The following LTBP1 variants were observed in gnomAD, a reference collection of about 807,000 sequenced individuals.
The protein encoded by LTBP1 is latent transforming growth factor beta binding protein 1.
Under a neutral mutation model 207.6 loss-of-function variants are expected in LTBP1, and 129 were observed. That is an observed-to-expected ratio of 0.62 (90% CI 0.54 to 0.72). The LOEUF is 0.72. Among genes scored for constraint, LTBP1 ranks in the 30% least tolerant of loss-of-function variants. The probability of loss-of-function intolerance (pLI) is 0.00; values close to 1 mark genes in which losing one functional copy is unlikely to be tolerated. For synonymous variants in LTBP1, 963 were observed against 833.7 expected, an observed-to-expected ratio of 1.16 and a Z score of -2.67; for missense variants, 2,281 against 2,217.2, an observed-to-expected ratio of 1.03 and a Z score of -0.58.
intron 9 of LTBP1, among the ~76,000 whole-genome samples, chr2:33,224,250 G>A (rs2091303274): frequency 6.6e-6 from 1 of 152,200 alleles, no homozygotes; most frequent in Admixed American, 6.5e-5. Context: ...CTATTCCACA[G>A]AAAAGGCTTT....
intron 24 of LTBP1, among the ~76,000 whole-genome samples, chr2:33,316,139 A>G (rs1309513031): frequency 4.9e-5 from 5 of 102,378 alleles, no homozygotes; most frequent in Non-Finnish European, 1.2e-4. Flanking sequence ...TATGTTTGCA[A>G]GAATACAGCA....
At position 33,188,816 on chromosome 2, in the gene LTBP1, C is replaced by G. The variant is rs1222399727; in HGVS notation, c.1666C>G (p.Leu556Val). 6.2e-7 allele frequency: 1 copy of G among 1,614,156 alleles called. No individual in the cohort carries two copies. Among genetic ancestry groups the G allele is most frequent in the East Asian group, 2.2e-5 (1 of 44,878 alleles). Reference sequence around the variant, plus strand: ...CTACCCCGTGGCTGCTAAGACACAGCTTGGCCGGTGCTTCCAGGAAACCAT... The same window carrying G: ...CTACCCCGTGGCTGCTAAGACACAGGTTGGCCGGTGCTTCCAGGAAACCAT... ...HVYPVAAKTQ[L>V]GRCFQETIGS... is the part of the protein sequence containing the mutation. Residue 556 changes from leucine to valine, a missense_variant, in exon 7 of 34, where the codon CTT becomes GTT. By Grantham distance (32) the Leu-to-Val change is conservative. Transcript: ENST00000404816.
chr2:33,103,623 GTGTGAGTGTT>G (rs1187544234), intron 3 of LTBP1, among the ~76,000 whole-genome samples: 8 of 140,520 alleles, frequency 5.7e-5, no homozygotes, highest in Non-Finnish European at 1.3e-4. Context: ...GTGTGTGTGT[GTGTGAGTGTT>G]ATGCTGCCAT....
At position 33,056,447 on chromosome 2, in the gene LTBP1, C is replaced by T. The variant is rs996894938; in HGVS notation, c.863+35241C>T. ...CTTTGCCCAGCAGCTTGTTTAGTTC[C>T]CTGTTGTTGCAAATTGCCAGCTGGA... On this transcript the variant is annotated intron_variant, in intron 3 of 33. Coordinates refer to ENST00000404816, the MANE Select transcript of LTBP1 (RefSeq NM_206943.4). 1.8e-5 allele frequency: 17 copies of T among 953,196 alleles called. No individual in the cohort carries two copies. In the African/African-American group the frequency reaches 2.8e-4, roughly 16 times the overall value. 59.0% of individuals were successfully genotyped at this position (953,196 alleles called of 1,614,324 possible).
At chr2:33,334,022 G>A (rs2094526404) in intron 24 of LTBP1, among the ~76,000 whole-genome samples, 1 of 152,204 alleles carries the variant, frequency 6.6e-6, no homozygotes, top group Non-Finnish European at 1.5e-5. Context: ...GGAGAGAGTG[G>A]TCAACCGCAT....
At chr2:33,130,984 T>G (rs1372723891) in intron 4 of LTBP1, among the ~76,000 whole-genome samples, 2 of 152,200 alleles carry the variant, frequency 1.3e-5, no homozygotes, top group Non-Finnish European at 2.9e-5. Flanking sequence ...CTTCTCAGAC[T>G]TATAATTCCT....
At position 33,048,878 on chromosome 2, in the gene LTBP1, C is replaced by A. The variant is rs74923869; in HGVS notation, c.863+27672C>A. Among the ~76,000 whole-genome samples, 885 of 152,270 alleles carry A rather than the reference C, an allele frequency of 5.8e-3. 12 individuals are homozygous for A. Among genetic ancestry groups the A allele is most frequent in the African/African-American group, 0.02 (845 of 41,570 alleles). On this transcript the variant is annotated intron_variant, in intron 3 of 33. Transcript: ENST00000404816. The stretch of plus-strand genomic sequence containing the variant: ...CTAATGAGCAGATATCTTAAAGGAA[C>A]TGTTGAATGTGAGTTAAGAATGTTT...
At chr2:33,217,023 T>C (rs1353482341) in intron 7 of LTBP1, among the ~76,000 whole-genome samples, 2 of 152,198 alleles carry the variant, frequency 1.3e-5, no homozygotes, top group Non-Finnish European at 2.9e-5. Context: ...CTGCTAGAGC[T>C]GATTTGGCCC....
chr2:33,369,177 A>G (rs1043603453), intron 31 of LTBP1, among the ~76,000 whole-genome samples: 16 of 152,146 alleles, frequency 1.1e-4, no homozygotes, highest in African/African-American at 2.9e-4. Context: ...TCAGGGGAAA[A>G]AAGATAACAC....
chr2:33,383,552 TTC>T (rs1363353934), intron 31 of LTBP1, among the ~76,000 whole-genome samples: 2 of 152,194 alleles, frequency 1.3e-5, no homozygotes, highest in African/African-American at 4.8e-5. Context: ...CTGCTTCTTT[TTC>T]TCTTTTTTTT....
intron 2 of LTBP1, among the ~76,000 whole-genome samples, chr2:32,980,199 A>G (rs1456710667): frequency 6.6e-6 from 1 of 152,076 alleles, no homozygotes; most frequent in East Asian, 1.9e-4. Flanking sequence ...TACTCTTACA[A>G]TTTTGTTATT....
intron 23 of LTBP1, among the ~76,000 whole-genome samples, chr2:33,313,342 T>G (rs1014141162): frequency 2.6e-5 from 4 of 152,166 alleles, no homozygotes; most frequent in African/African-American, 7.2e-5. Context: ...AGGAAGACGT[T>G]TAAACCAATA....
Position 33,074,869 on chromosome 2 carries a change from C to CA in LTBP1, c.864-35686dup, listed in dbSNP as rs36211816. On this transcript the variant is annotated intron_variant, in intron 3 of 33. Coordinates refer to ENST00000404816, the MANE Select transcript of LTBP1 (RefSeq NM_206943.4). ...TGGGCAACAGAGCGAGACTCCATCTCAAAAAAAAAAAAAAAAAAAAAAAAA... is the reference window on the plus strand; with the variant it reads ...TGGGCAACAGAGCGAGACTCCATCTCAAAAAAAAAAAAAAAAAAAAAAAAAA... Among the ~76,000 whole-genome samples, 309 of 131,890 alleles carry CA rather than the reference C, an allele frequency of 2.3e-3. 9 individuals are homozygous for CA. Among genetic ancestry groups the CA allele is most frequent in the African/African-American group, 2.9e-3 (86 of 29,444 alleles). The allele number at this position is 131,890 out of a possible 152,430, so 86.5% of individuals were successfully genotyped here.
chr2:33,098,893 T>A (rs1015443487), intron 3 of LTBP1, among the ~76,000 whole-genome samples: 5 of 152,232 alleles, frequency 3.3e-5, no homozygotes, highest in African/African-American at 1.2e-4. Flanking sequence ...ACCTTCACCA[T>A]GTTCTCTGAA....
intron 11 of LTBP1, among the ~76,000 whole-genome samples, chr2:33,254,852 G>GTTTTTTGTTT (rs2092794817): frequency 9.7e-5 from 1 of 10,360 alleles, no homozygotes; most frequent in Non-Finnish European, 1.5e-4. Context: ...GCGGTGTTTG[G>GTTTTTTGTTT]TTTTTTTTTT....
intron 24 of LTBP1, among the ~76,000 whole-genome samples, chr2:33,342,468 A>T (rs2094640205): frequency 6.6e-6 from 1 of 152,242 alleles, no homozygotes; most frequent in African/African-American, 2.4e-5. Context: ...TACTGCAACT[A>T]AAACAAGTGA....
chr2:33,221,722 C>G (rs1382995528), intron 8 of LTBP1, among the ~76,000 whole-genome samples: 1 of 152,114 alleles, frequency 6.6e-6, no homozygotes, highest in East Asian at 1.9e-4. Context: ...TGTAGTAACC[C>G]TACCTACAAT....
At chr2:32,973,426 C>T (rs72867813) in intron 2 of LTBP1, among the ~76,000 whole-genome samples, 10,132 of 152,028 alleles carry the variant, frequency 0.067, 417 homozygotes, top group African/African-American at 0.099. Context: ...ATGCTCTTGT[C>T]TTTTTATATT....
chr2:33,123,198 G>A (rs970602742), intron 4 of LTBP1, among the ~76,000 whole-genome samples: 1 of 152,164 alleles, frequency 6.6e-6, no homozygotes, highest in Non-Finnish European at 1.5e-5. Flanking sequence ...TGGCCTGCGG[G>A]TTACTAGGAC....
Sources: allele counts gnomAD v4.1 joint callset (sites outside exome capture counted in the v4.1 genomes callset), GRCh38; gene constraint gnomAD v4.1.1; transcripts MANE v1.5; gene names NCBI Gene and HGNC (gene_info 2026-07-23, HGNC 2026-07-21).